RB1: variants seen among roughly 807,000 people sequenced by gnomAD.
RB1 encodes retinoblastoma-associated protein.
RB1 carries 18 observed loss-of-function variants against 135.4 expected under a neutral mutation model. The observed-to-expected ratio is 0.13, with a 90% CI of 0.09 to 0.20. The LOEUF is 0.20. RB1 is among the 10% of genes least tolerant of loss of function. The pLI is 1.00. For missense variants in RB1, 868 were observed against 1,110.0 expected (o/e 0.78, Z 3.10); for synonymous variants, 365 against 373.2 (o/e 0.98, Z 0.25).
intron 17 of RB1, among the ~76,000 whole-genome samples, chr13:48,390,142 G>A (rs1948600200): frequency 6.6e-6 from 1 of 152,046 alleles, no homozygotes; most frequent in South Asian, 2.1e-4. Flanking sequence ...ATGAGATCCT[G>A]CCTCAAAAAC....
At chr13:48,367,728 C>G in intron 10 of RB1, 125 bp downstream of exon 10, 1 of 1,130,798 alleles carries the variant, frequency 8.8e-7, no homozygotes. Flanking sequence ...TTTCAAATGT[C>G]TTTATACAAA....
rs201458896 is a variant in RB1 at position 48,380,211 on chromosome 13, G to T, written c.1468G>T (p.Ala490Ser). 2.5e-6 allele frequency: 4 copies of T among 1,605,006 alleles called. No individual in the cohort carries two copies. Among genetic ancestry groups the T allele is most frequent in the Non-Finnish European group, 3.4e-6 (4 of 1,175,200 alleles). ...NIFHMSLLAC[A>S]LEVVMATYSR... ...TTTTCATATGTCTTTATTGGCGTGC[G>T]CTCTTGAGGTTGTAATGGCCACATA... The change falls in exon 16 of 27, where the codon GCT becomes TCT. Residue 490 changes from alanine to serine, a missense_variant. Transcript: ENST00000267163.
At chr13:48,436,092 AG>A (rs770418690) in intron 17 of RB1, among the ~76,000 whole-genome samples, 11 of 152,206 alleles carry the variant, frequency 7.2e-5, no homozygotes, top group African/African-American at 2.4e-4. Flanking sequence ...AGGTTAACTG[AG>A]GATAATTTTA....
At chr13:48,311,646 A>G (rs1179082132) in intron 2 of RB1, among the ~76,000 whole-genome samples, 3 of 152,254 alleles carry the variant, frequency 2.0e-5, no homozygotes, top group African/African-American at 7.2e-5. Context: ...AGGGAGAAAT[A>G]TGAAGCCTCC....
chr13:48,418,319 A>G (rs1270204264), intron 17 of RB1, among the ~76,000 whole-genome samples: 3 of 152,220 alleles, frequency 2.0e-5, no homozygotes, highest in African/African-American at 7.2e-5. Context: ...TCCTTCACAG[A>G]TAAGCAAATG....
chr13:48,391,449 C>T lies in RB1; in HGVS notation c.1695+10006C>T, dbSNP rs1287187322. On this transcript the variant is annotated intron_variant, in intron 17 of 26. Transcript: ENST00000267163. The stretch of plus-strand genomic sequence containing the variant: ...TGTAGATCCAGATTCCTTTTGTTTT[C>T]CTTCTGACTGTAAAACTTTTTTTGG... 4.0e-5 allele frequency: 4 copies of T among 100,148 alleles called. No homozygotes were observed. In the East Asian group the frequency reaches 1.2e-3, roughly 29 times the overall value. 6.2% of individuals were successfully genotyped at this position (100,148 alleles called of 1,614,324 possible).
intron 24 of RB1, among the ~76,000 whole-genome samples, chr13:48,476,063 AATAG>A (rs1267324082): frequency 6.6e-6 from 1 of 152,226 alleles, no homozygotes; most frequent in African/African-American, 2.4e-5. Flanking sequence ...ATGTGCTCCA[AATAG>A]ATTTACCATC....
Position 48,480,807 on chromosome 13 carries a change from G to A in RB1, c.*736G>A, listed in dbSNP as rs1949534104. 1 of 226,694 alleles carries A rather than the reference G, an allele frequency of 4.4e-6. No individual in the cohort carries two copies. The highest frequency in any genetic ancestry group is 8.8e-6 in the Non-Finnish European group (1 of 113,864). The allele number at this position is 226,694 out of a possible 1,614,324, so 14.0% of individuals were successfully genotyped here. On this transcript the variant is annotated 3_prime_UTR_variant, in exon 27 of 27. Transcript: ENST00000267163. ...TGATTATTTTCTTCATCCAACTTAT[G>A]TTTTTAAATGAGGATTATTGATAGT...
rs552613986 is a variant in RB1 at position 48,369,372 on chromosome 13, G to A, written c.1127+768G>A. Among the ~76,000 whole-genome samples, 3 of 152,214 alleles carry A rather than the reference G, an allele frequency of 2.0e-5. No individual in the cohort carries two copies. The South Asian group carries it at 6.2e-4, about 32-fold the overall frequency. On this transcript the variant is annotated intron_variant, in intron 11 of 26. Coordinates refer to ENST00000267163, the MANE Select transcript of RB1 (RefSeq NM_000321.3). ...TCTTTCTCTTGGATTTTTTGCAGTAGCCTACTACCTGATCTTGCTCCTTCT... is the reference window on the plus strand; with the variant it reads ...TCTTTCTCTTGGATTTTTTGCAGTAACCTACTACCTGATCTTGCTCCTTCT...
intron 17 of RB1, among the ~76,000 whole-genome samples, chr13:48,437,213 C>T (rs1365908682): frequency 6.6e-6 from 1 of 152,136 alleles, no homozygotes; most frequent in Non-Finnish European, 1.5e-5. Context: ...AAGCGTTGTT[C>T]AGAGAGCAAT....
At chr13:48,431,046 G>T (rs1168882219) in intron 17 of RB1, among the ~76,000 whole-genome samples, 1 of 152,172 alleles carries the variant, frequency 6.6e-6, no homozygotes, top group East Asian at 1.9e-4. Flanking sequence ...AAAGTGGAAT[G>T]AAAACATCAG....
Position 48,328,445 on chromosome 13 carries a change from T to G in RB1, c.265-14154T>G, listed in dbSNP as rs1426823851. On this transcript the variant is annotated intron_variant, in intron 2 of 26. Coordinates refer to ENST00000267163, the MANE Select transcript of RB1 (RefSeq NM_000321.3). ...CAGGCTTTGTTGGAGGTCTGCAGCT[T>G]CTTCTTCAGCTGATCGCTTCTCAGC... 4.7e-6 allele frequency: 5 copies of G among 1,055,476 alleles called. No homozygotes were observed. The African/African-American group carries it at 7.8e-5, about 16-fold the overall frequency. The allele number at this position is 1,055,476 out of a possible 1,614,324, so 65.4% of individuals were successfully genotyped here.
chr13:48,305,986 C>T (rs899955464), intron 1 of RB1, among the ~76,000 whole-genome samples: 8 of 152,160 alleles, frequency 5.3e-5, no homozygotes, highest in Non-Finnish European at 1.0e-4. Flanking sequence ...AATCATGTTT[C>T]GAGCTGGGTG....
At chr13:48,477,334 T>C (rs1480393515) in intron 25 of RB1, 21 bp from the exon 26 acceptor site, 2 of 1,587,344 alleles carry the variant, frequency 1.3e-6, no homozygotes, top group Non-Finnish European at 1.7e-6. Context: ...ATGAAATGTT[T>C]TGCATTTTTT....
chr13:48,369,906 G>A (rs1952740612), intron 11 of RB1, among the ~76,000 whole-genome samples: 1 of 151,970 alleles, frequency 6.6e-6, no homozygotes. Context: ...ACCCAAAATA[G>A]CCTTAAAATT....
chr13:48,379,533 A>AAAT, intron 13 of RB1, 61 bp from the exon 14 acceptor site: 1 of 1,561,528 alleles, frequency 6.4e-7, no homozygotes, highest in Non-Finnish European at 8.7e-7. Context: ...AAAAAAAAAA[A>AAAT]TTTCATAATT....
At chr13:48,307,776 T>C (rs1952096275) in intron 2 of RB1, among the ~76,000 whole-genome samples, 1 of 151,138 alleles carries the variant, frequency 6.6e-6, no homozygotes, top group South Asian at 2.1e-4. Context: ...GGCAGGAGAA[T>C]TGCTTGAACC....
chr13:48,365,445 T>G (rs1192527082), intron 9 of RB1, among the ~76,000 whole-genome samples: 1 of 152,244 alleles, frequency 6.6e-6, no homozygotes, highest in African/African-American at 2.4e-5. Context: ...TGACTGTGAC[T>G]ATTGCAGAAG....
chr13:48,396,357 T>A (rs189359608), intron 17 of RB1, among the ~76,000 whole-genome samples: 161 of 152,178 alleles, frequency 1.1e-3, no homozygotes, highest in Middle Eastern at 3.4e-3. Flanking sequence ...TCTACAACCA[T>A]CTGATTTTTG....
Sources: allele counts gnomAD v4.1 joint callset (sites outside exome capture counted in the v4.1 genomes callset), GRCh38; gene constraint gnomAD v4.1.1; transcripts MANE v1.5; gene names NCBI Gene and HGNC (gene_info 2026-07-23, HGNC 2026-07-21).